CCSER1: variants seen among roughly 807,000 people sequenced by gnomAD.
CCSER1 encodes the protein coiled-coil serine rich protein 1, also known as serine-rich coiled-coil domain-containing protein 1.
CCSER1 carries 41 observed loss-of-function variants against 82.0 expected under a neutral mutation model. The ratio of observed to expected loss-of-function variants is 0.50; its 90% CI spans 0.39 to 0.65. The LOEUF (loss-of-function observed/expected upper bound fraction) is 0.65. CCSER1 is among the 30% of genes least tolerant of loss of function. The pLI is 0.00. For missense variants in CCSER1, 1,119 were observed against 1,064.2 expected (o/e 1.05, Z -0.72); for synonymous variants, 414 against 383.9 (o/e 1.08, Z -0.92).
intron 10 of CCSER1, among the ~76,000 whole-genome samples, chr4:91,114,613 C>T (rs1726389310): frequency 6.6e-6 from 1 of 152,114 alleles, no homozygotes; most frequent in Admixed American, 6.5e-5. Flanking sequence ...TTGAATGGAC[C>T]TCATCCTGCT....
At chr4:90,798,644 A>G (rs1007910710) in intron 7 of CCSER1, among the ~76,000 whole-genome samples, 1 of 152,152 alleles carries the variant, frequency 6.6e-6, no homozygotes, top group African/African-American at 2.4e-5. Flanking sequence ...TGACATTTGC[A>G]TGGGTTTTTA....
chr4:91,457,474 G>T (rs149336465), intron 10 of CCSER1, among the ~76,000 whole-genome samples: 3 of 151,780 alleles, frequency 2.0e-5, no homozygotes, highest in Non-Finnish European at 2.9e-5. Flanking sequence ...AGATCAGCCC[G>T]GGCAACATAG....
chr4:91,181,441 G>A (rs1272343840), intron 10 of CCSER1, among the ~76,000 whole-genome samples: 2 of 152,162 alleles, frequency 1.3e-5, no homozygotes, highest in East Asian at 1.9e-4. Context: ...AGGTGTGCCT[G>A]GGATGCTTTA....
intron 8 of CCSER1, among the ~76,000 whole-genome samples, chr4:90,821,489 A>C (rs143234786): frequency 6.6e-6 from 1 of 152,174 alleles, no homozygotes; most frequent in Non-Finnish European, 1.5e-5. Context: ...TATAGGTTCT[A>C]TTTATGTTGT....
chr4:90,755,531 C>G (rs765702963), intron 7 of CCSER1, among the ~76,000 whole-genome samples: 20 of 152,124 alleles, frequency 1.3e-4, no homozygotes, highest in African/African-American at 3.6e-4. Flanking sequence ...GCTGAAGAAG[C>G]CTTGTCTCTT....
At chr4:91,342,975 T>A (rs1160073705) in intron 10 of CCSER1, among the ~76,000 whole-genome samples, 1 of 152,116 alleles carries the variant, frequency 6.6e-6, no homozygotes, top group Non-Finnish European at 1.5e-5. Flanking sequence ...TTTTTATATG[T>A]AAGCAAATAA....
At chr4:91,553,249 C>T (rs1318874362) in intron 10 of CCSER1, among the ~76,000 whole-genome samples, 1 of 151,512 alleles carries the variant, frequency 6.6e-6, no homozygotes, top group African/African-American at 2.4e-5. Context: ...ATGAATCCCA[C>T]TTGATCATAG....
intron 5 of CCSER1, among the ~76,000 whole-genome samples, chr4:90,582,960 GA>G (rs1781570261): frequency 1.3e-5 from 2 of 152,106 alleles, no homozygotes; most frequent in Non-Finnish European, 2.9e-5. Context: ...GTAATCTGAA[GA>G]AGAATCATTA....
intron 8 of CCSER1, among the ~76,000 whole-genome samples, chr4:90,841,212 T>C (rs961239851): frequency 2.0e-5 from 3 of 152,160 alleles, no homozygotes; most frequent in African/African-American, 7.2e-5. Context: ...GTGACTTAGA[T>C]AACTCATTCT....
intron 8 of CCSER1, among the ~76,000 whole-genome samples, chr4:90,858,074 G>A (rs1266263802): frequency 6.6e-6 from 1 of 151,990 alleles, no homozygotes; most frequent in African/African-American, 2.4e-5. Flanking sequence ...TCTAAATGCA[G>A]TGAAGTACAG....
At chr4:90,596,204 G>A (rs570848072) in intron 5 of CCSER1, among the ~76,000 whole-genome samples, 33 of 151,756 alleles carry the variant, frequency 2.2e-4, no homozygotes, top group African/African-American at 7.5e-4. Flanking sequence ...CTAAAAACAT[G>A]TGTTAAACTA....
At chr4:91,093,036 A>G (rs6532273) in intron 10 of CCSER1, among the ~76,000 whole-genome samples, 30,851 of 152,084 alleles carry the variant, frequency 0.2, 3,537 homozygotes, top group African/African-American at 0.29. Context: ...AATGCTCCAT[A>G]TACTTGAATG....
chr4:91,015,596 A>G (rs543160382), intron 9 of CCSER1: 2 of 151,936 alleles, frequency 1.3e-5, no homozygotes, highest in African/African-American at 4.8e-5. Flanking sequence ...TTGCTTTATT[A>G]TTATGTAAAT....
At chr4:90,349,608 C>T (rs1743055159) in intron 3 of CCSER1, among the ~76,000 whole-genome samples, 2 of 151,788 alleles carry the variant, frequency 1.3e-5, no homozygotes, top group African/African-American at 4.8e-5. Context: ...AATTCTTTAC[C>T]CTTGTTTGTC....
At chr4:91,029,674 G>A (rs1740800997) in intron 9 of CCSER1, among the ~76,000 whole-genome samples, 2 of 152,124 alleles carry the variant, frequency 1.3e-5, no homozygotes, top group Admixed American at 1.3e-4. Context: ...CTTAATAGTT[G>A]TACATTCTTA....
Position 90,245,817 on chromosome 4 carries a change from G to A in CCSER1, c.-41-62427G>A, listed in dbSNP as rs139075543. On this transcript the variant is annotated intron_variant, in intron 1 of 10. Coordinates refer to ENST00000509176, the MANE Select transcript of CCSER1 (RefSeq NM_001145065.2). ...GATGATTTTTAGCTCAAAATGTTGG[G>A]CTTTTCTATCTAATTTAGTTGTCCA... 2.8e-3 allele frequency among the ~76,000 whole-genome samples: 419 copies of A among 152,106 alleles called. 7 individuals carry two copies. Among genetic ancestry groups the A allele is most frequent in the Admixed American group, 0.026 (391 of 15,246 alleles).
Position 90,444,027 on chromosome 4 carries a change from G to A in CCSER1, c.1604-24207G>A, listed in dbSNP as rs185375538. 2.6e-5 allele frequency among the ~76,000 whole-genome samples: 4 copies of A among 152,098 alleles called. No homozygotes were observed. The East Asian group carries it at 7.7e-4, about 29-fold the overall frequency. ...TAGGGTGTAGAATTTGTGAATTTGTGTTTTGGGACAACTGTTGGTTGGCTG... is the reference window on the plus strand; with the variant it reads ...TAGGGTGTAGAATTTGTGAATTTGTATTTTGGGACAACTGTTGGTTGGCTG... On this transcript the variant is annotated intron_variant, in intron 4 of 10. Coordinates refer to ENST00000509176, the MANE Select transcript of CCSER1 (RefSeq NM_001145065.2).
At chr4:90,980,005 T>C (rs1735963767) in intron 9 of CCSER1, among the ~76,000 whole-genome samples, 1 of 151,672 alleles carries the variant, frequency 6.6e-6, no homozygotes, top group Non-Finnish European at 1.5e-5. Context: ...AATAATAAAC[T>C]GATACAGGAT....
At chr4:90,415,394 C>T (rs575652567) in intron 4 of CCSER1, among the ~76,000 whole-genome samples, 1 of 151,978 alleles carries the variant, frequency 6.6e-6, no homozygotes, top group Non-Finnish European at 1.5e-5. Context: ...AAAATAAAAT[C>T]GATTAACTTT....
Sources: allele counts gnomAD v4.1 joint callset (sites outside exome capture counted in the v4.1 genomes callset), GRCh38; gene constraint gnomAD v4.1.1; transcripts MANE v1.5; gene names NCBI Gene and HGNC (gene_info 2026-07-23, HGNC 2026-07-21).